The following RBFOX1 variants were observed in gnomAD, a reference collection of about 807,000 sequenced individuals.
RBFOX1 encodes RNA binding fox-1 homolog 1.
A neutral mutation model predicts 57.7 loss-of-function variants in RBFOX1; 8 were observed. That is an observed-to-expected ratio of 0.14 (90% CI 0.08 to 0.25). The LOEUF (loss-of-function observed/expected upper bound fraction) is 0.25, where lower values mean the gene tolerates loss of function less well. Ranked by LOEUF, RBFOX1 falls within the 10% of genes least tolerant of loss-of-function variation. The probability of loss-of-function intolerance (pLI) is 1.00; values close to 1 mark genes in which losing one functional copy is unlikely to be tolerated. For missense variants in RBFOX1, 611 were observed against 548.5 expected (o/e 1.11, Z -1.14); for synonymous variants, 326 against 222.4 (o/e 1.47, Z -4.15).
intron 4 of RBFOX1, among the ~76,000 whole-genome samples, chr16:7,416,123 A>T (rs1047283152): frequency 4.6e-5 from 7 of 152,140 alleles, no homozygotes; most frequent in Non-Finnish European, 7.4e-5. Flanking sequence ...CCCATTTTGT[A>T]TTCCATGGAG....
chr16:6,310,323 G>A (rs1032304539), intron 1 of RBFOX1, among the ~76,000 whole-genome samples: 1 of 152,242 alleles, frequency 6.6e-6, no homozygotes, highest in Non-Finnish European at 1.5e-5. Context: ...CGTGGCAGGT[G>A]CTGTGATGGC....
chr16:5,640,529 C>G (rs944195882), intron 3 of RBFOX1, among the ~76,000 whole-genome samples: 5 of 151,762 alleles, frequency 3.3e-5, no homozygotes, highest in Non-Finnish European at 7.4e-5. Flanking sequence ...CACACATGCA[C>G]ATACACACAT....
At chr16:5,907,679 T>C (rs1340380619) in intron 4 of RBFOX1, among the ~76,000 whole-genome samples, 1 of 152,128 alleles carries the variant, frequency 6.6e-6, no homozygotes, top group South Asian at 2.1e-4. Flanking sequence ...AAGACATGCC[T>C]ACTTGCTGGT....
chr16:7,484,993 C>A (rs1266647047), intron 4 of RBFOX1, among the ~76,000 whole-genome samples: 2 of 152,004 alleles, frequency 1.3e-5, no homozygotes, highest in African/African-American at 2.4e-5. Context: ...GTTTTCATAA[C>A]TCAGTTGCAT....
chr16:7,691,095 A>G (rs957545077), intron 14 of RBFOX1, among the ~76,000 whole-genome samples: 1 of 152,268 alleles, frequency 6.6e-6, no homozygotes, highest in Admixed American at 6.5e-5. Flanking sequence ...TCTGGGATGT[A>G]GTGGGATTGT....
intron 2 of RBFOX1, among the ~76,000 whole-genome samples, chr16:6,389,979 G>A (rs1356378682): frequency 6.6e-6 from 1 of 152,178 alleles, no homozygotes; most frequent in African/African-American, 2.4e-5. Context: ...TGACTTGTAA[G>A]CCATTAGGAA....
chr16:6,598,396 G>A (rs944226837), intron 2 of RBFOX1, among the ~76,000 whole-genome samples: 1 of 152,164 alleles, frequency 6.6e-6, no homozygotes, highest in Admixed American at 6.5e-5. Context: ...GATGTGAATT[G>A]ATTGGCCAGT....
intron 2 of RBFOX1, among the ~76,000 whole-genome samples, chr16:5,480,933 C>A (rs1332341961): frequency 6.6e-6 from 1 of 152,182 alleles, no homozygotes; most frequent in Non-Finnish European, 1.5e-5. Context: ...GCAAGGCAAT[C>A]TATGTAGTAT....
chr16:6,071,482 G>C (rs1398529767), intron 1 of RBFOX1, among the ~76,000 whole-genome samples: 2 of 152,108 alleles, frequency 1.3e-5, no homozygotes, highest in Non-Finnish European at 2.9e-5. Context: ...AATAACATGA[G>C]TTTACCGATA....
At chr16:7,421,165 G>A (rs751747450) in intron 4 of RBFOX1, among the ~76,000 whole-genome samples, 1 of 152,076 alleles carries the variant, frequency 6.6e-6, no homozygotes, top group African/African-American at 2.4e-5. Flanking sequence ...AAAGTTGTAT[G>A]TAATAGAAAT....
At chr16:5,338,356 C>G (rs879906184) in intron 1 of RBFOX1, among the ~76,000 whole-genome samples, 2 of 152,174 alleles carry the variant, frequency 1.3e-5, no homozygotes, top group Admixed American at 6.5e-5. Flanking sequence ...GCTTGTTAAT[C>G]TTTGCTGTTG....
At chr16:5,940,187 C>T (rs2059251118) in intron 4 of RBFOX1, among the ~76,000 whole-genome samples, 1 of 152,202 alleles carries the variant, frequency 6.6e-6, no homozygotes, top group Non-Finnish European at 1.5e-5. Context: ...ATGATGGAGA[C>T]ACTAGAGTAA....
intron 13 of RBFOX1, among the ~76,000 whole-genome samples, chr16:7,675,475 T>G (rs2073004864): frequency 6.6e-6 from 1 of 152,178 alleles, no homozygotes; most frequent in South Asian, 2.1e-4. Context: ...ATGTGTCTTC[T>G]CCAGGACTGA....
intron 2 of RBFOX1, among the ~76,000 whole-genome samples, chr16:6,426,850 C>G (rs1382267934): frequency 6.6e-6 from 1 of 152,192 alleles, no homozygotes; most frequent in Non-Finnish European, 1.5e-5. Context: ...CCATAGCAGG[C>G]TCTAGCTCTC....
chr16:7,451,691 G>A (rs10775356), intron 4 of RBFOX1, among the ~76,000 whole-genome samples: 76,617 of 126,954 alleles, frequency 0.6, 21,266 homozygotes, highest in East Asian at 0.76. Context: ...CCCCCGCCCC[G>A]TATTCTCTTT....
chr16:7,056,172 C>A (rs924695349), intron 4 of RBFOX1, among the ~76,000 whole-genome samples: 1 of 152,138 alleles, frequency 6.6e-6, no homozygotes, highest in Admixed American at 6.5e-5. Flanking sequence ...AGCTTCCTGT[C>A]CCCTACCCTT....
chr16:7,226,007 C>A (rs992547490), intron 4 of RBFOX1, among the ~76,000 whole-genome samples: 1 of 151,556 alleles, frequency 6.6e-6, no homozygotes, highest in Non-Finnish European at 1.5e-5. Flanking sequence ...ATGGGCCTTG[C>A]TGAATCTGTA....
intron 1 of RBFOX1, among the ~76,000 whole-genome samples, chr16:5,457,080 T>A (rs2068653043): frequency 6.6e-6 from 1 of 152,202 alleles, no homozygotes; most frequent in Non-Finnish European, 1.5e-5. Flanking sequence ...TCCTGGTTTG[T>A]GGATGGCTGT....
chr16:5,538,219 A>G (rs1488836701), intron 2 of RBFOX1, among the ~76,000 whole-genome samples: 1 of 152,228 alleles, frequency 6.6e-6, no homozygotes, highest in Non-Finnish European at 1.5e-5. Flanking sequence ...TCAGATCAAT[A>G]TGGATTCAAA....
Sources: gnomAD v4.1 joint callset for allele counts (sites outside exome capture counted in the v4.1 genomes callset) on GRCh38, gnomAD v4.1.1 for gene constraint, MANE v1.5 for transcripts, NCBI Gene and HGNC (gene_info 2026-07-23, HGNC 2026-07-21) for gene names.